Variants in HMGN5 observed in about 807,000 individuals in gnomAD.
HMGN5 encodes the protein high mobility group nucleosome binding domain 5.
In HMGN5, 4 loss-of-function variants were observed where a neutral mutation model predicts 9.5. The observed-to-expected ratio is 0.42, with a 90% CI of 0.21 to 0.96. The LOEUF (loss-of-function observed/expected upper bound fraction) is 0.96, where lower values mean the gene tolerates loss of function less well. HMGN5 is among the 40% of genes least tolerant of loss of function. The pLI is 0.30. For missense variants in HMGN5, 192 were observed against 187.5 expected, an observed-to-expected ratio of 1.02 and a Z score of -0.14; for synonymous variants, 55 against 57.1, an observed-to-expected ratio of 0.96 and a Z score of 0.16.
At chrX:81,116,847 A>G (rs1245681713) in intron 5 of HMGN5, among the ~76,000 whole-genome samples, 1 of 111,875 alleles carries the variant, frequency 8.9e-6, no homozygotes, top group Non-Finnish European at 1.9e-5. Context: ...AAGTGTTTCA[A>G]TCTTTGTATC....
chrX:81,158,188 C>T (rs889618523), intron 1 of HMGN5, among the ~76,000 whole-genome samples: 2 of 112,081 alleles, frequency 1.8e-5, no homozygotes, highest in Non-Finnish European at 3.8e-5. Flanking sequence ...TCTATAATTG[C>T]TTTCTTCCAA....
chrX:81,167,291 A>T (rs1349428549), intron 1 of HMGN5, among the ~76,000 whole-genome samples: 1 of 111,141 alleles, frequency 9.0e-6, no homozygotes, highest in Admixed American at 9.6e-5. Flanking sequence ...GTGCCTCAAC[A>T]TATGGGGTAG....
chrX:81,180,647 C>T (rs1260867479), intron 1 of HMGN5, among the ~76,000 whole-genome samples: 1 of 111,641 alleles, frequency 9.0e-6, no homozygotes, highest in Non-Finnish European at 1.9e-5. Context: ...TGTGGTGATC[C>T]CTCAAGGATC....
chrX:81,116,406 C>A, intron 5 of HMGN5, 65 bp from the exon 6 acceptor site: 1 of 774,283 alleles, frequency 1.3e-6, no homozygotes, highest in South Asian at 3.0e-5. Context: ...ATTAAATGGT[C>A]ACAATTATTT....
At chrX:81,180,364 A>T (rs2075458756) in intron 1 of HMGN5, among the ~76,000 whole-genome samples, 1 of 111,943 alleles carries the variant, frequency 8.9e-6, no homozygotes, top group African/African-American at 3.3e-5. Context: ...CAAGAAAAAA[A>T]CAACTCCATC....
Position 81,181,764 on chromosome X carries a change from T to G in HMGN5, c.-124+19973A>C, listed in dbSNP as rs1245368873. On this transcript the variant is annotated intron_variant, in intron 1 of 6. Transcript: ENST00000358130. ...TGACCTACAGTGCCATCTATGTTGT[T>G]GCAAAGGAAAGGATCTCATTCTTTT... Among the ~76,000 whole-genome samples the G allele has an allele frequency of 2.7e-5, 3 of 112,204 alleles. No homozygotes were observed. In the Admixed American group the frequency reaches 2.8e-4, roughly 11 times the overall value.
intron 1 of HMGN5, among the ~76,000 whole-genome samples, chrX:81,153,320 AGGTGGG>A (rs2075370341): frequency 9.4e-6 from 1 of 106,116 alleles, no homozygotes; most frequent in South Asian, 4.3e-4. Flanking sequence ...TGGAAGGCTG[AGGTGGG>A]TAGATCACTT....
chrX:81,143,660 A>C (rs896794516), intron 1 of HMGN5, among the ~76,000 whole-genome samples: 3 of 112,357 alleles, frequency 2.7e-5, no homozygotes, highest in African/African-American at 9.7e-5. Flanking sequence ...TGCTTTTCGC[A>C]TGGTCTTCAC....
chrX:81,191,203 T>A lies in HMGN5; in HGVS notation c.-124+10534A>T, dbSNP rs761912085. ...TTTTCTTTTGTATTTTCTACATACA[T>A]GTGTATTATTTACAATTGGTTACAT... On this transcript the variant is annotated intron_variant, in intron 1 of 6. Transcript: ENST00000358130. 5.3e-5 allele frequency among the ~76,000 whole-genome samples: 6 copies of A among 112,253 alleles called. No homozygotes were observed. In the South Asian group the frequency reaches 2.2e-3, roughly 41 times the overall value.
At chrX:81,189,381 T>G (rs2075487596) in intron 1 of HMGN5, among the ~76,000 whole-genome samples, 1 of 111,878 alleles carries the variant, frequency 8.9e-6, no homozygotes, top group South Asian at 3.7e-4. Flanking sequence ...TAGCTCTACC[T>G]ATTTGTCTCT....
At chrX:81,147,934 A>T (rs932332077) in intron 1 of HMGN5, among the ~76,000 whole-genome samples, 3 of 111,859 alleles carry the variant, frequency 2.7e-5, no homozygotes, top group Non-Finnish European at 3.8e-5. Flanking sequence ...GGGGATGTGA[A>T]GGACCTGTTC....
intron 1 of HMGN5, among the ~76,000 whole-genome samples, chrX:81,175,877 C>A (rs2075440248): frequency 1.8e-5 from 2 of 111,867 alleles, no homozygotes; most frequent in African/African-American, 6.5e-5. Flanking sequence ...CGACCCAGAA[C>A]ACGGGTGATT....
chrX:81,180,323 C>G (rs901472620), intron 1 of HMGN5, among the ~76,000 whole-genome samples: 1 of 111,599 alleles, frequency 9.0e-6, no homozygotes, highest in African/African-American at 3.3e-5. Flanking sequence ...GGCCTAATAT[C>G]CAGAATCTAC....
chrX:81,170,026 C>T (rs1480489415), intron 1 of HMGN5, among the ~76,000 whole-genome samples: 1 of 100,468 alleles, frequency 1.0e-5, no homozygotes, highest in Non-Finnish European at 2.0e-5. Context: ...TGCACTCCAA[C>T]CTGGGAGACA....
chrX:81,192,679 T>C (rs1165842474), intron 1 of HMGN5, among the ~76,000 whole-genome samples: 1 of 112,212 alleles, frequency 8.9e-6, no homozygotes, highest in Non-Finnish European at 1.9e-5. Context: ...TAATTCTCTT[T>C]TGTTTATATG....
chrX:81,115,718 T>G (rs938703156), intron 6 of HMGN5, among the ~76,000 whole-genome samples: 2 of 112,402 alleles, frequency 1.8e-5, no homozygotes, highest in Non-Finnish European at 3.8e-5. Flanking sequence ...TATTTGCATA[T>G]GTTTGGTTTA....
intron 5 of HMGN5, among the ~76,000 whole-genome samples, chrX:81,117,067 C>A (rs1396819080): frequency 9.0e-6 from 1 of 110,629 alleles, no homozygotes; most frequent in African/African-American, 3.3e-5. Flanking sequence ...ATACCACCCA[C>A]CTCACGGGGA....
chrX:81,113,875 T>C lies in HMGN5; in HGVS notation c.*774A>G, dbSNP rs1314587295. On this transcript the variant is annotated 3_prime_UTR_variant, in exon 7 of 7. Transcript: ENST00000358130. ...ATAAAAATTCTCTGGAATTAAACAG[T>C]GGACACAACATTGTGAATATACTGA... 8.9e-6 allele frequency: 1 copy of C among 111,910 alleles called. No individual in the cohort carries two copies. Among genetic ancestry groups the C allele is most frequent in the Non-Finnish European group, 1.9e-5 (1 of 53,143 alleles). 9.2% of individuals were successfully genotyped at this position (111,910 alleles called of 1,213,427 possible). A position where few individuals can be genotyped will look rare whatever the true frequency, so the allele number is the denominator to read the frequency against.
At chrX:81,193,541 G>C (rs2075499753) in intron 1 of HMGN5, among the ~76,000 whole-genome samples, 1 of 111,786 alleles carries the variant, frequency 8.9e-6, no homozygotes, top group Non-Finnish European at 1.9e-5. Flanking sequence ...TAAAATGGTT[G>C]CTTCATGCCA....
Sources: gnomAD v4.1 joint callset for allele counts (sites outside exome capture counted in the v4.1 genomes callset) on GRCh38, gnomAD v4.1.1 for gene constraint, MANE v1.5 for transcripts, NCBI Gene and HGNC (gene_info 2026-07-23, HGNC 2026-07-21) for gene names.